NUBPL: variants seen among roughly 807,000 people sequenced by gnomAD.
NUBPL encodes the protein NUBP iron-sulfur cluster assembly factor, mitochondrial.
NUBPL carries 31 observed loss-of-function variants against 45.7 expected under a neutral mutation model. The ratio of observed to expected loss-of-function variants is 0.68; its 90% CI spans 0.51 to 0.92. The LOEUF is 0.92. Ranked by LOEUF, NUBPL falls within the 40% of genes least tolerant of loss-of-function variation. The pLI, the probability that NUBPL is intolerant of heterozygous loss-of-function variation, is 0.00. For missense variants in NUBPL, 401 were observed against 398.7 expected, an observed-to-expected ratio of 1.01 and a Z score of -0.05; for synonymous variants, 144 against 140.9, an observed-to-expected ratio of 1.02 and a Z score of -0.15.
At chr14:31,639,683 G>A (rs566425634) in intron 4 of NUBPL, among the ~76,000 whole-genome samples, 1 of 152,236 alleles carries the variant, frequency 6.6e-6, no homozygotes, top group Non-Finnish European at 1.5e-5. Flanking sequence ...CCCTACCCCA[G>A]AGATGGAGCC....
chr14:31,666,360 G>A (rs1490262740), intron 4 of NUBPL, among the ~76,000 whole-genome samples: 1 of 151,100 alleles, frequency 6.6e-6, no homozygotes, highest in East Asian at 2.0e-4. Flanking sequence ...CGCCTCCCGG[G>A]TTCAAACAAT....
intron 6 of NUBPL, among the ~76,000 whole-genome samples, chr14:31,703,968 C>T (rs918786832): frequency 3.3e-5 from 5 of 152,234 alleles, no homozygotes; most frequent in African/African-American, 1.2e-4. Flanking sequence ...CACCACCTGA[C>T]ATTCCTACTG....
At chr14:31,731,403 T>G (rs935626601) in intron 6 of NUBPL, among the ~76,000 whole-genome samples, 3 of 152,242 alleles carry the variant, frequency 2.0e-5, no homozygotes, top group African/African-American at 7.2e-5. Context: ...ACATAATTTT[T>G]TATGCCTCTG....
At chr14:31,805,253 A>G (rs1041160890) in intron 7 of NUBPL, among the ~76,000 whole-genome samples, 1 of 152,200 alleles carries the variant, frequency 6.6e-6, no homozygotes, top group Admixed American at 6.5e-5. Context: ...ATTAATACAA[A>G]GTCGAAAAAT....
chr14:31,811,900 T>C (rs1183336690), intron 7 of NUBPL, among the ~76,000 whole-genome samples: 2 of 152,170 alleles, frequency 1.3e-5, no homozygotes, highest in Non-Finnish European at 2.9e-5. Flanking sequence ...TCTGTTTGAT[T>C]TTGCTAGAAG....
chr14:31,859,247 G>GGT lies in NUBPL; in HGVS notation c.*69_*70dup. On this transcript the variant is annotated 3_prime_UTR_variant, in exon 11 of 11. Transcript: ENST00000281081. Reference sequence around the variant, plus strand: ...GAGGACCTTTGGAAATCAGCAATGTGGTGATGGAACCTACAGAAATAATAG... The same window carrying GGT: ...GAGGACCTTTGGAAATCAGCAATGTGGTGTGATGGAACCTACAGAAATAATAG... The GGT allele has an allele frequency of 8.7e-7, 1 of 1,143,356 alleles. No homozygotes were observed. The highest frequency in any genetic ancestry group is 1.2e-5 in the South Asian group (1 of 80,866). 70.8% of individuals were successfully genotyped at this position (1,143,356 alleles called of 1,614,324 possible).
At chr14:31,763,961 GA>G (rs1387233451) in intron 6 of NUBPL, among the ~76,000 whole-genome samples, 1 of 152,176 alleles carries the variant, frequency 6.6e-6, no homozygotes, top group Non-Finnish European at 1.5e-5. Flanking sequence ...CACTGGTACT[GA>G]AACTAAGGCA....
intron 8 of NUBPL, among the ~76,000 whole-genome samples, chr14:31,840,370 G>A (rs2040349774): frequency 1.3e-5 from 2 of 152,002 alleles, no homozygotes; most frequent in South Asian, 4.2e-4. Context: ...TCAGGAGATC[G>A]AGACCATCCT....
chr14:31,612,972 A>G (rs1486964738), intron 4 of NUBPL, among the ~76,000 whole-genome samples: 1 of 152,196 alleles, frequency 6.6e-6, no homozygotes, highest in Admixed American at 6.5e-5. Flanking sequence ...AAATCAGTAT[A>G]TTGAAGAGAT....
chr14:31,677,016 T>A (rs576136666), intron 6 of NUBPL, among the ~76,000 whole-genome samples: 72 of 152,114 alleles, frequency 4.7e-4, no homozygotes, highest in African/African-American at 1.7e-3. Context: ...GTATTTATTT[T>A]TTTTTCTTTT....
chr14:31,761,459 G>A (rs1201724810), intron 6 of NUBPL, among the ~76,000 whole-genome samples: 1 of 152,196 alleles, frequency 6.6e-6, no homozygotes, highest in African/African-American at 2.4e-5. Context: ...AAGTAAAAGA[G>A]TGAAGGCGTC....
At chr14:31,587,727 A>C (rs993501182) in intron 3 of NUBPL, among the ~76,000 whole-genome samples, 1 of 152,214 alleles carries the variant, frequency 6.6e-6, no homozygotes, top group Non-Finnish European at 1.5e-5. Flanking sequence ...ATTTTTGTGA[A>C]ATATGCTACT....
At chr14:31,577,213 TTTTA>T (rs2033739367) in intron 3 of NUBPL, among the ~76,000 whole-genome samples, 1 of 152,194 alleles carries the variant, frequency 6.6e-6, no homozygotes, top group Non-Finnish European at 1.5e-5. Context: ...CTAAGTGGGT[TTTTA>T]TTTGAGAAGT....
intron 6 of NUBPL, among the ~76,000 whole-genome samples, chr14:31,759,451 G>A (rs1046718686): frequency 2.6e-5 from 4 of 151,808 alleles, no homozygotes; most frequent in African/African-American, 9.7e-5. Flanking sequence ...GACAAATATT[G>A]TATGTATTTT....
At chr14:31,820,145 AAAAAAAAAG>A (rs2039991548) in intron 7 of NUBPL, among the ~76,000 whole-genome samples, 1 of 64,608 alleles carries the variant, frequency 1.5e-5, no homozygotes, top group African/African-American at 3.8e-5. Flanking sequence ...ATCTCAAAAA[AAAAAAAAAG>A]AAAAAGAAAA....
chr14:31,693,811 A>C (rs532529007), intron 6 of NUBPL, among the ~76,000 whole-genome samples: 18 of 150,072 alleles, frequency 1.2e-4, no homozygotes, highest in African/African-American at 3.9e-4. Flanking sequence ...AAAAAAAAAA[A>C]AAAAAAAAAA....
At chr14:31,823,740 G>A (rs12185052) in intron 7 of NUBPL, among the ~76,000 whole-genome samples, 9,575 of 152,132 alleles carry the variant, frequency 0.063, 412 homozygotes, top group Non-Finnish European at 0.092. Context: ...TTATTTGTTT[G>A]AAGTTAGTTA....
At chr14:31,746,157 AAT>A (rs1248152791) in intron 6 of NUBPL, among the ~76,000 whole-genome samples, 1 of 151,940 alleles carries the variant, frequency 6.6e-6, no homozygotes, top group Non-Finnish European at 1.5e-5. Flanking sequence ...CTTCTCTCCC[AAT>A]TTGGATTCCC....
At chr14:31,727,611 T>C (rs1481149229) in intron 6 of NUBPL, among the ~76,000 whole-genome samples, 10 of 152,224 alleles carry the variant, frequency 6.6e-5, no homozygotes, top group African/African-American at 2.4e-4. Context: ...CATCTCATGA[T>C]GGATATGGTT....
Sources: allele counts gnomAD v4.1 joint callset (sites outside exome capture counted in the v4.1 genomes callset), GRCh38; gene constraint gnomAD v4.1.1; transcripts MANE v1.5; gene names NCBI Gene and HGNC (gene_info 2026-07-23, HGNC 2026-07-21).